The following DYNLRB2 variants were observed in gnomAD, a reference collection of about 807,000 sequenced individuals.
DYNLRB2 encodes the protein bithoraxoid-like protein.
Under a neutral mutation model 12.6 loss-of-function variants are expected in DYNLRB2, and 14 were observed. The ratio of observed to expected loss-of-function variants is 1.11; its 90% CI spans 0.73 to 1.73. The LOEUF is 1.73. Among genes scored for constraint, DYNLRB2 ranks in the 40% most tolerant of loss-of-function variants. The pLI is 0.00. For synonymous variants in DYNLRB2, 53 were observed against 37.0 expected (o/e 1.43, Z -1.57); for missense variants, 142 against 117.7 (o/e 1.21, Z -0.95).
chr16:80,547,741 T>C (rs746637491), intron 2 of DYNLRB2: 19 of 455,312 alleles, frequency 4.2e-5, no homozygotes, highest in Non-Finnish European at 8.4e-5. Flanking sequence ...TACGTTTCCA[T>C]TTTCTGCTTG....
At position 80,549,492 on chromosome 16, in the gene DYNLRB2, A is replaced by T. The variant is rs745424933; in HGVS notation, c.88A>T (p.Ile30Phe). 4 of 1,596,790 alleles carry T rather than the reference A, an allele frequency of 2.5e-6. No individual in the cohort carries two copies. Among genetic ancestry groups the T allele is most frequent in the Non-Finnish European group, 3.4e-6 (4 of 1,169,474 alleles). Residue 30 changes from isoleucine (I) to phenylalanine (F), a missense_variant, in exon 3 of 4, where the codon ATC (isoleucine) becomes TTC (phenylalanine). Transcript: ENST00000305904. ...TMVVNAEGIP[I>F]RTTLDNSTTV... ...ATTAAATTTCATAATAGGTATTCCC[A>T]TCCGAACAACCTTGGACAACTCAAC... is the stretch of plus-strand genomic sequence containing the variant.
chr16:80,549,575 TC>T lies in DYNLRB2; in HGVS notation c.172del (p.Arg58ValfsTer9). The T allele has an allele frequency of 6.2e-7, 1 of 1,612,902 alleles. No homozygotes were observed. Among genetic ancestry groups the T allele is most frequent in the Non-Finnish European group, 8.5e-7 (1 of 1,179,190 alleles). On this transcript the variant is annotated frameshift_variant, in exon 3 of 4. Transcript: ENST00000305904. LOFTEE classifies it high-confidence loss of function. ...HLTMKAKSTVRDIDPQNDLTF... is the reference protein window; with the variant it reads ...HLTMKAKSTVXDIDPQNDLTF... ...TGACAATGAAAGCCAAAAGCACAGT[TC>T]GTGATATTGATCCTCAGAACGACCT...
Position 80,541,062 on chromosome 16 carries a change from T to G in DYNLRB2, c.-15T>G. ...TGTGCCGCCGGCCTGAGCCCAGAGT[T>G]TCGCGGCCTCCGCGATGGTAAATCT... On this transcript the variant is annotated 5_prime_UTR_variant, in exon 1 of 4. Coordinates refer to ENST00000305904, the MANE Select transcript of DYNLRB2 (RefSeq NM_130897.3). The G allele has an allele frequency of 6.2e-7, 1 of 1,608,332 alleles. No individual in the cohort carries two copies. Among genetic ancestry groups the G allele is most frequent in the Non-Finnish European group, 8.5e-7 (1 of 1,176,844 alleles).
rs766646605 is a variant in DYNLRB2 at position 80,550,604 on chromosome 16, C to G, written c.*46C>G. ...TTTAAGCGACACTGGGTTGGAAACA[C>G]TTGGCTCTCTCATGAGTATTAAAAT... On this transcript the variant is annotated 3_prime_UTR_variant, in exon 4 of 4. Coordinates refer to ENST00000305904, the MANE Select transcript of DYNLRB2 (RefSeq NM_130897.3). The G allele has an allele frequency of 1.9e-6, 3 of 1,601,548 alleles. No homozygotes were observed. Among genetic ancestry groups the G allele is most frequent in the African/African-American group, 2.7e-5 (2 of 74,672 alleles).
chr16:80,550,751 G>C lies in DYNLRB2; in HGVS notation c.*193G>C. The C allele has an allele frequency of 1.6e-6, 1 of 618,970 alleles. No individual in the cohort carries two copies. Among genetic ancestry groups the C allele is most frequent in the Non-Finnish European group, 2.8e-6 (1 of 356,218 alleles). 38.3% of individuals were successfully genotyped at this position (618,970 alleles called of 1,614,324 possible). A position where few individuals can be genotyped will look rare whatever the true frequency, so the allele number is the denominator to read the frequency against. ...AAGTTGTACTTTAGTGATACAATAA[G>C]TGAATTCTGGTATATACGTCTCTAT... is the stretch of plus-strand genomic sequence containing the variant. On this transcript the variant is annotated 3_prime_UTR_variant, in exon 4 of 4. Coordinates refer to ENST00000305904, the MANE Select transcript of DYNLRB2 (RefSeq NM_130897.3).
At chr16:80,545,503 A>G (rs1444607374) in intron 2 of DYNLRB2, among the ~76,000 whole-genome samples, 1 of 152,120 alleles carries the variant, frequency 6.6e-6, no homozygotes, top group Admixed American at 6.5e-5. Context: ...AGGTGCACAC[A>G]TACACTTCAA....
chr16:80,547,323 C>G (rs1464183078), intron 2 of DYNLRB2, among the ~76,000 whole-genome samples: 1 of 152,086 alleles, frequency 6.6e-6, no homozygotes, highest in African/African-American at 2.4e-5. Context: ...TTCTAAGAAA[C>G]CAGTGGTTGT....
intron 3 of DYNLRB2, among the ~76,000 whole-genome samples, chr16:80,550,090 C>G (rs1904744593): frequency 6.6e-6 from 1 of 152,212 alleles, no homozygotes; most frequent in Non-Finnish European, 1.5e-5. Flanking sequence ...ACTCCTTTCC[C>G]TGAAGGAATT....
At chr16:80,544,984 C>G (rs937312537) in intron 2 of DYNLRB2, among the ~76,000 whole-genome samples, 1 of 152,096 alleles carries the variant, frequency 6.6e-6, no homozygotes, top group African/African-American at 2.4e-5. Context: ...TGCAAAGACC[C>G]GTTTCCAAAT....
chr16:80,549,397 A>C, intron 2 of DYNLRB2, 87 bp from the exon 3 acceptor site: 1 of 1,308,564 alleles, frequency 7.6e-7, no homozygotes, highest in Non-Finnish European at 1.0e-6. Context: ...CTTCTTTACA[A>C]CTATCAGTGT....
At chr16:80,541,203 G>A (rs1411519659) in intron 1 of DYNLRB2, 124 bp downstream of exon 1, 4 of 1,455,414 alleles carry the variant, frequency 2.7e-6, no homozygotes, top group Admixed American at 2.7e-5. Context: ...GGAGGCTGGT[G>A]GCTCCAGGAT....
At chr16:80,541,129 G>A (rs749728820) in intron 1 of DYNLRB2, 50 bp downstream of exon 1, 2 of 1,590,952 alleles carry the variant, frequency 1.3e-6, no homozygotes, top group Admixed American at 1.7e-5. Flanking sequence ...CACGCCGACC[G>A]TCAAGGACCT....
At chr16:80,544,067 G>T (rs1381833889) in intron 2 of DYNLRB2, among the ~76,000 whole-genome samples, 2 of 152,186 alleles carry the variant, frequency 1.3e-5, no homozygotes, top group Admixed American at 1.3e-4. Context: ...TAAAATAAGA[G>T]TAGCTACTTT....
Position 80,547,387 on chromosome 16 carries a change from A to G in DYNLRB2, c.80-2097A>G, listed in dbSNP as rs566359998. Among the ~76,000 whole-genome samples the G allele has an allele frequency of 3.8e-3, 578 of 152,326 alleles. 1 individual carries two copies. The highest frequency in any genetic ancestry group is 5.7e-3 in the Non-Finnish European group (386 of 68,032). ...TACCATGTGCTAAAATTACTTCTCA[A>G]TAATTTTTTTAATTACCTCACATGG... On this transcript the variant is annotated intron_variant, in intron 2 of 3. Transcript: ENST00000305904.
At chr16:80,541,219 TG>T in intron 1 of DYNLRB2, 140 bp downstream of exon 1, 3 of 1,438,768 alleles carry the variant, frequency 2.1e-6, no homozygotes, top group Non-Finnish European at 9.2e-7. Context: ...AGGATCTTCC[TG>T]GAGGGGCGAG....
At chr16:80,544,479 G>T (rs1457360249) in intron 2 of DYNLRB2, among the ~76,000 whole-genome samples, 3 of 152,198 alleles carry the variant, frequency 2.0e-5, no homozygotes, top group African/African-American at 4.8e-5. Flanking sequence ...TTCCAGGTAA[G>T]TCACAAACTA....
chr16:80,545,131 C>A (rs1313854212), intron 2 of DYNLRB2, among the ~76,000 whole-genome samples: 1 of 152,066 alleles, frequency 6.6e-6, no homozygotes, highest in Non-Finnish European at 1.5e-5. Flanking sequence ...TTTGGAAGAT[C>A]TTGGTCTAAA....
intron 2 of DYNLRB2, 83 bp from the exon 3 acceptor site, chr16:80,549,401 T>C: frequency 1.5e-6 from 2 of 1,313,668 alleles, no homozygotes; most frequent in South Asian, 1.9e-5. Context: ...TTTACAACTA[T>C]CAGTGTTTTC....
chr16:80,545,666 C>T (rs115045020), intron 2 of DYNLRB2, among the ~76,000 whole-genome samples: 216 of 74,768 alleles, frequency 2.9e-3, no homozygotes, highest in Middle Eastern at 0.031. Flanking sequence ...CCATTAGCTT[C>T]TTTTTTTTTT....
Sources: allele counts gnomAD v4.1 joint callset (sites outside exome capture counted in the v4.1 genomes callset), GRCh38; gene constraint gnomAD v4.1.1; transcripts MANE v1.5; gene names NCBI Gene and HGNC (gene_info 2026-07-23, HGNC 2026-07-21).